OXR1: variants seen among roughly 807,000 people sequenced by gnomAD.
OXR1 encodes oxidation resistance protein 1.
A neutral mutation model predicts 104.6 loss-of-function variants in OXR1; 41 were observed. That is an observed-to-expected ratio of 0.39 (90% CI 0.31 to 0.51). The LOEUF (loss-of-function observed/expected upper bound fraction) is 0.51, where lower values mean the gene tolerates loss of function less well. Ranked by LOEUF, OXR1 falls within the 20% of genes least tolerant of loss-of-function variation. The probability of loss-of-function intolerance (pLI) is 0.77; values close to 1 mark genes in which losing one functional copy is unlikely to be tolerated. For missense variants in OXR1, 955 were observed against 1,031.9 expected, an observed-to-expected ratio of 0.93 and a Z score of 1.02; for synonymous variants, 348 against 348.4, an observed-to-expected ratio of 1.00 and a Z score of 0.01.
In OXR1 at chr8:106,347,577, T is replaced by G. The variant is rs183122918; in HGVS notation, c.-138-11899T>G. ...GTTGATTGTAGGCAATAAACTCTAC[T>G]AGGTTGTACAGGGACTAGGAAAAAA... On this transcript the variant is annotated intron_variant, in intron 1 of 16. Coordinates refer to ENST00000517566, the MANE Select transcript of OXR1 (RefSeq NM_001198533.2). Among the ~76,000 whole-genome samples the G allele has an allele frequency of 5.8e-4, 89 of 152,348 alleles. 1 individual carries two copies. Among genetic ancestry groups the G allele is most frequent in the Admixed American group, 5.8e-3 (89 of 15,296 alleles).
chr8:106,616,218 A>ATT lies in OXR1; in HGVS notation c.221-62968_221-62967dup, dbSNP rs372788802. Among the ~76,000 whole-genome samples, 906 of 96,004 alleles carry ATT rather than the reference A, an allele frequency of 9.4e-3. 19 individuals carry two copies. The highest frequency in any genetic ancestry group is 0.024 in the African/African-American group (523 of 21,912). The allele number at this position is 96,004 out of a possible 152,430, so 63.0% of individuals were successfully genotyped here. A position where few individuals can be genotyped will look rare whatever the true frequency, so the allele number is the denominator to read the frequency against. On this transcript the variant is annotated intron_variant, in intron 3 of 16. Transcript: ENST00000517566. ...CACCATGCCTGGCTAATTTTTTGGAATTTTTTTTTTTTTTTTTTTTTTTTT... is the reference window on the plus strand; with the variant it reads ...CACCATGCCTGGCTAATTTTTTGGAATTTTTTTTTTTTTTTTTTTTTTTTTTT...
intron 2 of OXR1, among the ~76,000 whole-genome samples, chr8:106,491,949 A>G (rs919789165): frequency 2.0e-5 from 3 of 152,192 alleles, no homozygotes; most frequent in Admixed American, 6.5e-5. Context: ...ATAAAATGCT[A>G]TCTGGCTATA....
intron 3 of OXR1, chr8:106,581,302 CT>C: frequency 1.7e-6 from 2 of 1,189,684 alleles, no homozygotes; most frequent in Non-Finnish European, 2.2e-6. Flanking sequence ...TTTCATTTGC[CT>C]AAAAAATGTC....
chr8:106,519,779 T>C (rs1418979579), intron 3 of OXR1, among the ~76,000 whole-genome samples: 1 of 152,236 alleles, frequency 6.6e-6, no homozygotes, highest in Non-Finnish European at 1.5e-5. Context: ...TTCCCCCAGA[T>C]ATAATGATAT....
intron 3 of OXR1, among the ~76,000 whole-genome samples, chr8:106,545,286 G>A (rs967204225): frequency 2.2e-4 from 33 of 152,168 alleles, no homozygotes; most frequent in African/African-American, 7.7e-4. Flanking sequence ...GTGATTGATT[G>A]TCTGAAAACA....
At chr8:106,625,450 A>T (rs1313615791) in intron 3 of OXR1, among the ~76,000 whole-genome samples, 1 of 152,230 alleles carries the variant, frequency 6.6e-6, no homozygotes, top group Non-Finnish European at 1.5e-5. Flanking sequence ...AAACAAAAAG[A>T]ATTGCTGCAA....
chr8:106,581,687 T>C (rs1337988099), intron 3 of OXR1, among the ~76,000 whole-genome samples: 1 of 152,012 alleles, frequency 6.6e-6, no homozygotes, highest in African/African-American at 2.4e-5. Flanking sequence ...GAGACAACCA[T>C]ATTGAGATTC....
chr8:106,665,295 G>A (rs192773444), intron 3 of OXR1, among the ~76,000 whole-genome samples: 356 of 152,246 alleles, frequency 2.3e-3, no homozygotes, highest in Non-Finnish European at 4.1e-3. Context: ...ATGTGGGAGG[G>A]AACTGGAGTA....
chr8:106,639,182 A>G (rs1170501858), intron 3 of OXR1, among the ~76,000 whole-genome samples: 1 of 152,210 alleles, frequency 6.6e-6, no homozygotes, highest in East Asian at 1.9e-4. Flanking sequence ...ACTGGTTGCT[A>G]TGAATCTTCC....
At chr8:106,680,393 A>T (rs1437095796) in intron 4 of OXR1, among the ~76,000 whole-genome samples, 1 of 152,088 alleles carries the variant, frequency 6.6e-6, no homozygotes, top group African/African-American at 2.4e-5. Flanking sequence ...TGTTTTTATC[A>T]TGTTTATTGT....
intron 1 of OXR1, among the ~76,000 whole-genome samples, chr8:106,342,612 A>G (rs879139207): frequency 6.6e-6 from 1 of 151,916 alleles, no homozygotes; most frequent in Admixed American, 6.6e-5. Flanking sequence ...GCTCTTTCCC[A>G]TACCCTGTAT....
chr8:106,658,267 G>T, intron 3 of OXR1: 1 of 1,222,914 alleles, frequency 8.2e-7, no homozygotes, highest in Non-Finnish European at 1.0e-6. Flanking sequence ...GCGCCGGGCG[G>T]GGGTCGCTGC....
chr8:106,359,666 T>C (rs1007731497), intron 2 of OXR1, 30 bp downstream of exon 2: 17 of 1,476,920 alleles, frequency 1.2e-5, no homozygotes, highest in Admixed American at 2.0e-5. Context: ...GCCTTAAATG[T>C]AAATGAAAAT....
chr8:106,456,188 C>G (rs1820585841), intron 2 of OXR1, among the ~76,000 whole-genome samples: 1 of 152,126 alleles, frequency 6.6e-6, no homozygotes, highest in Non-Finnish European at 1.5e-5. Context: ...AGATGTGAGT[C>G]ACCATAGGTC....
chr8:106,706,352 C>CTTAAAACTTAAGCTCCACGA, intron 8 of OXR1, 30 bp from the exon 9 acceptor site: 1 of 1,481,258 alleles, frequency 6.8e-7, no homozygotes, highest in Non-Finnish European at 9.1e-7. Flanking sequence ...TTTTAAAAGT[C>CTTAAAACTTAAGCTCCACGA]TAATTATTTT....
At position 106,719,871 on chromosome 8, in the gene OXR1, T is replaced by C. The variant is rs537285165; in HGVS notation, c.1956+5886T>C. Among the ~76,000 whole-genome samples the C allele has an allele frequency of 4.2e-3, 635 of 152,316 alleles. 6 individuals are homozygous for C. The highest frequency in any genetic ancestry group is 0.015 in the African/African-American group (604 of 41,578). ...CTCAGGCTGGAGTGCAGTGGCGTCA[T>C]CTTGGCTCACTGCAAGCTCCGCCTC... is the stretch of plus-strand genomic sequence containing the variant. On this transcript the variant is annotated intron_variant, in intron 11 of 16. Transcript: ENST00000517566.
intron 3 of OXR1, among the ~76,000 whole-genome samples, chr8:106,547,111 G>A (rs1267684332): frequency 6.6e-6 from 1 of 152,020 alleles, no homozygotes; most frequent in African/African-American, 2.4e-5. Context: ...GGATGGTCTT[G>A]ACCTCCTGAC....
At chr8:106,657,824 CAG>C (rs1344494886) in intron 3 of OXR1, 90 of 1,234,392 alleles carry the variant, frequency 7.3e-5, no homozygotes, top group Non-Finnish European at 9.0e-5. Context: ...CGTCCCCGGG[CAG>C]AGAGAGGGAC....
At position 106,705,837 on chromosome 8, in the gene OXR1, C is replaced by G. The variant is rs559647717; in HGVS notation, c.861-545C>G. ...ATAGTTGTTAGCCTGAAGATTTTCTCTATATACTTTTGCTTGAGTTTTATT... is the reference window on the plus strand; with the variant it reads ...ATAGTTGTTAGCCTGAAGATTTTCTGTATATACTTTTGCTTGAGTTTTATT... On this transcript the variant is annotated intron_variant, in intron 8 of 16. Coordinates refer to ENST00000517566, the MANE Select transcript of OXR1 (RefSeq NM_001198533.2). Among the ~76,000 whole-genome samples the G allele has an allele frequency of 1.8e-4, 28 of 152,180 alleles. 1 individual carries two copies. In the South Asian group the frequency reaches 4.8e-3, roughly 26 times the overall value.
Sources: gnomAD v4.1 joint callset for allele counts (sites outside exome capture counted in the v4.1 genomes callset) on GRCh38, gnomAD v4.1.1 for gene constraint, MANE v1.5 for transcripts, NCBI Gene and HGNC (gene_info 2026-07-23, HGNC 2026-07-21) for gene names.